Variants in TRPC4 observed in about 807,000 individuals in gnomAD.
The protein encoded by TRPC4 is short transient receptor potential channel 4.
TRPC4 carries 49 observed loss-of-function variants against 99.4 expected under a neutral mutation model. That is an observed-to-expected ratio of 0.49 (90% CI 0.39 to 0.63). The LOEUF (loss-of-function observed/expected upper bound fraction) is 0.63, where lower values mean the gene tolerates loss of function less well. Ranked by LOEUF, TRPC4 falls within the 20% of genes least tolerant of loss-of-function variation. TRPC4 has a pLI of 0.00. For synonymous variants in TRPC4, 454 were observed against 425.9 expected, an observed-to-expected ratio of 1.07 and a Z score of -0.81; for missense variants, 898 against 1,152.9, an observed-to-expected ratio of 0.78 and a Z score of 3.20.
chr13:37,821,131 A>G (rs1957994824), intron 1 of TRPC4, among the ~76,000 whole-genome samples: 1 of 151,790 alleles, frequency 6.6e-6, no homozygotes, highest in Admixed American at 6.6e-5. Context: ...TAGCATTCCT[A>G]TACACAAGCA....
chr13:37,789,496 G>A (rs1286509206), intron 1 of TRPC4, among the ~76,000 whole-genome samples: 1 of 152,100 alleles, frequency 6.6e-6, no homozygotes, highest in Non-Finnish European at 1.5e-5. Flanking sequence ...GAAGTAAACA[G>A]TTCTGCATCA....
At chr13:37,646,191 T>G (rs1461833440) in intron 8 of TRPC4, among the ~76,000 whole-genome samples, 1 of 152,220 alleles carries the variant, frequency 6.6e-6, no homozygotes, top group African/African-American at 2.4e-5. Flanking sequence ...CTAGTCAGGC[T>G]TGAATATTCC....
intron 2 of TRPC4, among the ~76,000 whole-genome samples, chr13:37,780,626 C>T (rs977998676): frequency 2.0e-5 from 3 of 152,098 alleles, no homozygotes; most frequent in Non-Finnish European, 4.4e-5. Context: ...AAGATGTTGA[C>T]CTTCCTTAGG....
chr13:37,647,081 T>C (rs1951877541), intron 8 of TRPC4, among the ~76,000 whole-genome samples: 1 of 152,162 alleles, frequency 6.6e-6, no homozygotes, highest in Non-Finnish European at 1.5e-5. Flanking sequence ...GTTGTATCAG[T>C]ATTACTGGGA....
chr13:37,852,436 A>G (rs1232588636), intron 1 of TRPC4, among the ~76,000 whole-genome samples: 1 of 152,206 alleles, frequency 6.6e-6, no homozygotes, highest in Non-Finnish European at 1.5e-5. Context: ...TGCTGTCTAA[A>G]GAGCTCTTGG....
chr13:37,638,376 C>A (rs1189999101), intron 10 of TRPC4, among the ~76,000 whole-genome samples: 1 of 152,102 alleles, frequency 6.6e-6, no homozygotes, highest in Non-Finnish European at 1.5e-5. Flanking sequence ...TATCTTCTTA[C>A]CTAATTCACT....
intron 2 of TRPC4, among the ~76,000 whole-genome samples, chr13:37,753,876 G>A (rs1956020831): frequency 6.6e-6 from 1 of 152,078 alleles, no homozygotes; most frequent in Non-Finnish European, 1.5e-5. Context: ...TCTCTCTTCT[G>A]TCTTTCAGCT....
At chr13:37,817,582 A>T (rs1458334115) in intron 1 of TRPC4, among the ~76,000 whole-genome samples, 1 of 151,656 alleles carries the variant, frequency 6.6e-6, no homozygotes, top group Admixed American at 6.6e-5. Flanking sequence ...TACTAAGGAA[A>T]ACAAACAAAC....
intron 4 of TRPC4, among the ~76,000 whole-genome samples, chr13:37,686,972 C>A (rs917238324): frequency 6.7e-6 from 1 of 148,416 alleles, no homozygotes; most frequent in African/African-American, 2.5e-5. Context: ...CTTTTCTTTT[C>A]TTTTTTTTTT....
chr13:37,777,389 C>G (rs58536667), intron 2 of TRPC4, among the ~76,000 whole-genome samples: 12,455 of 151,826 alleles, frequency 0.082, 841 homozygotes, highest in African/African-American at 0.18. Context: ...GAAGGGGGAG[C>G]TACTACACAC....
intron 8 of TRPC4, among the ~76,000 whole-genome samples, chr13:37,643,585 G>A (rs1481185067): frequency 6.6e-6 from 1 of 152,190 alleles, no homozygotes; most frequent in Non-Finnish European, 1.5e-5. Context: ...GAGCAAATAT[G>A]CTAGGGTTAG....
intron 5 of TRPC4, among the ~76,000 whole-genome samples, chr13:37,668,364 C>A (rs1952720096): frequency 6.6e-6 from 1 of 152,108 alleles, no homozygotes; most frequent in South Asian, 2.1e-4. Context: ...TTGTCTAAGG[C>A]ATTTTTAGGT....
intron 3 of TRPC4, among the ~76,000 whole-genome samples, chr13:37,710,864 ATAG>A (rs967497244): frequency 2.6e-5 from 4 of 151,936 alleles, no homozygotes; most frequent in Non-Finnish European, 5.9e-5. Context: ...GAATGGAAAG[ATAG>A]ACTATTGCTT....
intron 1 of TRPC4, among the ~76,000 whole-genome samples, chr13:37,810,702 A>G (rs977935201): frequency 6.6e-6 from 1 of 151,970 alleles, no homozygotes; most frequent in Non-Finnish European, 1.5e-5. Context: ...TAAACTTTAT[A>G]CTTTTGATTT....
chr13:37,805,169 A>G (rs1957499988), intron 1 of TRPC4, among the ~76,000 whole-genome samples: 2 of 151,814 alleles, frequency 1.3e-5, no homozygotes. Flanking sequence ...GTTTTATACT[A>G]TTTTTTTATA....
chr13:37,648,012 G>A (rs895024901), intron 8 of TRPC4, among the ~76,000 whole-genome samples: 2 of 151,960 alleles, frequency 1.3e-5, no homozygotes, highest in African/African-American at 4.8e-5. Context: ...GTGCGATCTC[G>A]GCTCACTGCA....
intron 3 of TRPC4, among the ~76,000 whole-genome samples, chr13:37,719,750 A>G (rs1014608174): frequency 4.6e-5 from 7 of 152,036 alleles, no homozygotes; most frequent in Non-Finnish European, 8.8e-5. Flanking sequence ...ATTGTGAAAA[A>G]TTGAGGGTAT....
At chr13:37,729,370 C>T (rs1410573506) in intron 3 of TRPC4, among the ~76,000 whole-genome samples, 3 of 151,984 alleles carry the variant, frequency 2.0e-5, no homozygotes, top group Non-Finnish European at 2.9e-5. Context: ...TACCCTCATG[C>T]AGTGTTGGTG....
chr13:37,671,849 C>T (rs1199309008), intron 5 of TRPC4, among the ~76,000 whole-genome samples: 1 of 152,102 alleles, frequency 6.6e-6, no homozygotes, highest in East Asian at 1.9e-4. Context: ...AATGCAAATC[C>T]TTCAGAAAGG....
Sources: allele counts gnomAD v4.1 joint callset (sites outside exome capture counted in the v4.1 genomes callset), GRCh38; gene constraint gnomAD v4.1.1; transcripts MANE v1.5; gene names NCBI Gene and HGNC (gene_info 2026-07-23, HGNC 2026-07-21).